DCLK2: variants seen among roughly 807,000 people sequenced by gnomAD.
The protein encoded by DCLK2 is doublecortin like kinase 2.
Under a neutral mutation model 78.4 loss-of-function variants are expected in DCLK2, and 31 were observed. The observed-to-expected ratio is 0.40, with a 90% CI of 0.30 to 0.53. The LOEUF is 0.53. Ranked by LOEUF, DCLK2 falls within the 20% of genes least tolerant of loss-of-function variation. The pLI, the probability that DCLK2 is intolerant of heterozygous loss-of-function variation, is 0.61. For synonymous variants in DCLK2, 407 were observed against 374.9 expected (o/e 1.09, Z -0.99); for missense variants, 872 against 973.7 (o/e 0.90, Z 1.39).
intron 1 of DCLK2, among the ~76,000 whole-genome samples, chr4:150,083,341 A>G: frequency 6.6e-6 from 1 of 152,134 alleles, no homozygotes; most frequent in South Asian, 2.1e-4. Flanking sequence ...CAATAAGCTG[A>G]TTGTTTTTTG....
rs1487556246 is a variant in DCLK2, at chr4:150,175,101, T to C, written c.757-18037T>C. Among the ~76,000 whole-genome samples, 6 of 100,498 alleles carry C rather than the reference T, an allele frequency of 6.0e-5. 1 individual carries two copies. The highest frequency in any genetic ancestry group is 2.5e-4 in the African/African-American group (5 of 20,278). 65.9% of individuals were successfully genotyped at this position (100,498 alleles called of 152,430 possible). On this transcript the variant is annotated intron_variant, in intron 2 of 15. Transcript: ENST00000296550. ...ATATATTTATATATATATTTATATA[T>C]ATTTATATATTTATATTTTTTATAT...
chr4:150,236,884 T>G (rs1742551248), intron 10 of DCLK2, among the ~76,000 whole-genome samples: 1 of 152,190 alleles, frequency 6.6e-6, no homozygotes, highest in African/African-American at 2.4e-5. Flanking sequence ...AGTTACAGAC[T>G]GTTCAGTCCC....
At position 150,128,009 on chromosome 4, in the gene DCLK2, A is replaced by T. The variant is rs192566843; in HGVS notation, c.756+25197A>T. 1.7e-4 allele frequency among the ~76,000 whole-genome samples: 26 copies of T among 152,378 alleles called. No homozygotes were observed. The East Asian group carries it at 5.0e-3, about 29-fold the overall frequency. ...AGAAGGAGCTGTGGGTATTGCAGGC[A>T]TCTAGAAATTCGATGACTGCGTGAT... is the stretch of plus-strand genomic sequence containing the variant. On this transcript the variant is annotated intron_variant, in intron 2 of 15. Coordinates refer to ENST00000296550, the MANE Select transcript of DCLK2 (RefSeq NM_001040260.4).
chr4:150,202,328 C>T (rs939901838), intron 4 of DCLK2, among the ~76,000 whole-genome samples: 1 of 151,970 alleles, frequency 6.6e-6, no homozygotes, highest in Non-Finnish European at 1.5e-5. Flanking sequence ...TCTAAGTACC[C>T]ACATGTATTT....
At chr4:150,243,272 T>C (rs960993506) in intron 12 of DCLK2, among the ~76,000 whole-genome samples, 12 of 152,206 alleles carry the variant, frequency 7.9e-5, no homozygotes, top group African/African-American at 2.7e-4. Context: ...CCTTATATGC[T>C]GCCTTCAGAA....
At chr4:150,157,202 G>A (rs1016819955) in intron 2 of DCLK2, among the ~76,000 whole-genome samples, 2 of 150,238 alleles carry the variant, frequency 1.3e-5, no homozygotes, top group African/African-American at 4.9e-5. Flanking sequence ...CTTTAAGGAG[G>A]AAAATTAAAT....
At chr4:150,155,062 C>T (rs1403166024) in intron 2 of DCLK2, among the ~76,000 whole-genome samples, 1 of 152,064 alleles carries the variant, frequency 6.6e-6, no homozygotes, top group Non-Finnish European at 1.5e-5. Flanking sequence ...GAAACCCCAA[C>T]TCTACAAAAA....
At chr4:150,244,222 A>G (rs11930207) in intron 12 of DCLK2, among the ~76,000 whole-genome samples, 78,229 of 151,994 alleles carry the variant, frequency 0.51, 21,195 homozygotes, top group Non-Finnish European at 0.61. Context: ...GGTGTGAGCC[A>G]CTGTGCCTGA....
intron 12 of DCLK2, among the ~76,000 whole-genome samples, chr4:150,245,205 CACTA>C (rs1743211986): frequency 6.6e-6 from 1 of 152,144 alleles, no homozygotes; most frequent in Non-Finnish European, 1.5e-5. Context: ...AACATTTTGA[CACTA>C]AGAAACGCGT....
At chr4:150,101,754 G>A (rs1730906614) in intron 1 of DCLK2, among the ~76,000 whole-genome samples, 1 of 152,000 alleles carries the variant, frequency 6.6e-6, no homozygotes, top group African/African-American at 2.4e-5. Context: ...TTAAGCAGAA[G>A]GTTTCATGAG....
chr4:150,100,070 G>A (rs1288574172), intron 1 of DCLK2, among the ~76,000 whole-genome samples: 1 of 152,046 alleles, frequency 6.6e-6, no homozygotes, highest in Admixed American at 6.6e-5. Flanking sequence ...GTGCCACCAT[G>A]TCCTGCTAAT....
At chr4:150,148,268 G>A (rs1171191698) in intron 2 of DCLK2, among the ~76,000 whole-genome samples, 1 of 152,172 alleles carries the variant, frequency 6.6e-6, no homozygotes, top group Non-Finnish European at 1.5e-5. Flanking sequence ...GAGGGGCTGA[G>A]GCAGGAGGAT....
intron 2 of DCLK2, among the ~76,000 whole-genome samples, chr4:150,153,153 A>T (rs1735011596): frequency 6.6e-6 from 1 of 152,200 alleles, no homozygotes; most frequent in East Asian, 1.9e-4. Context: ...CCATTGAAGG[A>T]TCTACCATTG....
chr4:150,155,567 G>C (rs980512334), intron 2 of DCLK2, among the ~76,000 whole-genome samples: 1 of 152,178 alleles, frequency 6.6e-6, no homozygotes, highest in Non-Finnish European at 1.5e-5. Context: ...CCATGGAAAC[G>C]TGGCCTCAGG....
rs568245438 is a variant in DCLK2 at position 150,083,337 on chromosome 4, G to A, written c.421+3889G>A. The stretch of plus-strand genomic sequence containing the variant: ...CCTTTTATCCCTTCATAAACAATAA[G>A]CTGATTGTTTTTTGGCATATGAGAG... On this transcript the variant is annotated intron_variant, in intron 1 of 15. Coordinates refer to ENST00000296550, the MANE Select transcript of DCLK2 (RefSeq NM_001040260.4). Among the ~76,000 whole-genome samples, 13 of 152,242 alleles carry A rather than the reference G, an allele frequency of 8.5e-5. No individual in the cohort carries two copies. The South Asian group carries it at 2.7e-3, about 32-fold the overall frequency.
At chr4:150,091,442 C>T (rs796999132) in intron 1 of DCLK2, among the ~76,000 whole-genome samples, 1 of 151,736 alleles carries the variant, frequency 6.6e-6, no homozygotes, top group East Asian at 2.0e-4. Flanking sequence ...GTGTGTGTAT[C>T]CTTTTCTCTA....
chr4:150,232,567 C>T (rs549051861), intron 9 of DCLK2, 111 bp downstream of exon 9: 97 of 1,529,630 alleles, frequency 6.3e-5, no homozygotes, highest in South Asian at 2.1e-4. Flanking sequence ...TATTTATAAT[C>T]GCCGATTTTA....
At position 150,130,940 on chromosome 4, in the gene DCLK2, T is replaced by A. The variant is rs560343771; in HGVS notation, c.756+28128T>A. The stretch of plus-strand genomic sequence containing the variant: ...CAGGTCCTAGCACAGAAACTCTTAA[T>A]AAGTCCTGGTTTCCTAAGGGGCCAC... On this transcript the variant is annotated intron_variant, in intron 2 of 15. Coordinates refer to ENST00000296550, the MANE Select transcript of DCLK2 (RefSeq NM_001040260.4). Among the ~76,000 whole-genome samples, 260 of 152,230 alleles carry A rather than the reference T, an allele frequency of 1.7e-3. 1 individual carries two copies. Among genetic ancestry groups the A allele is most frequent in the African/African-American group, 4.0e-3 (168 of 41,504 alleles).
At position 150,220,706 on chromosome 4, in the gene DCLK2, A is replaced by G; in HGVS notation, c.1060A>G (p.Ile354Val). The G allele has an allele frequency of 6.2e-7, 1 of 1,613,198 alleles. No homozygotes were observed. The highest frequency in any genetic ancestry group is 1.1e-5 in the South Asian group (1 of 90,880). The change falls in exon 6 of 16, where the codon ATT becomes GTT. Residue 354 changes from isoleucine (I) to valine (V), a missense_variant. Ile to Val is a conservative substitution (Grantham distance 29). Transcript: ENST00000296550. ...AATGGTCATTCTCCTCTTTCAGCAGATTTCTGCTCATGGCAGATCTTCTTC... is the reference window on the plus strand; with the variant it reads ...AATGGTCATTCTCCTCTTTCAGCAGGTTTCTGCTCATGGCAGATCTTCTTC... ...SPGSFRGLKQ[I>V]SAHGRSSSNV...
Sources: gnomAD v4.1 joint callset for allele counts (sites outside exome capture counted in the v4.1 genomes callset) on GRCh38, gnomAD v4.1.1 for gene constraint, MANE v1.5 for transcripts, NCBI Gene and HGNC (gene_info 2026-07-23, HGNC 2026-07-21) for gene names.